Variants in EDA observed in about 807,000 individuals in gnomAD.
EDA encodes the protein ectodysplasin-A.
In EDA, 2 loss-of-function variants were observed where a neutral mutation model predicts 23.6. That is an observed-to-expected ratio of 0.08 (90% CI 0.03 to 0.27). EDA has a LOEUF of 0.27. Among genes scored for constraint, EDA ranks in the 10% least tolerant of loss-of-function variants. The pLI is 1.00. For synonymous variants in EDA, 131 were observed against 132.0 expected (o/e 0.99, Z 0.05); for missense variants, 229 against 324.2 (o/e 0.71, Z 2.26).
At position 69,999,619 on chromosome X, in the gene EDA, A is replaced by AG. The variant is rs1246148777; in HGVS notation, c.503-23598dup. Among the ~76,000 whole-genome samples, 6 of 53,270 alleles carry AG rather than the reference A, an allele frequency of 1.1e-4. No homozygotes were observed. The Admixed American group carries it at 1.2e-3, about 11-fold the overall frequency. 46.3% of individuals were successfully genotyped at this position (53,270 alleles called of 115,157 possible). A position where few individuals can be genotyped will look rare whatever the true frequency, so the allele number is the denominator to read the frequency against. On this transcript the variant is annotated intron_variant, in intron 2 of 7. Coordinates refer to ENST00000374552, the MANE Select transcript of EDA (RefSeq NM_001399.5). ...CTACAAGAGTGAGACTCTGTCTCAG[A>AG]GAAAAAAAAAAAAAAAGGAAAAAAA...
intron 1 of EDA, among the ~76,000 whole-genome samples, chrX:69,788,292 C>G (rs758937530): frequency 8.9e-6 from 1 of 112,801 alleles, no homozygotes; most frequent in East Asian, 2.8e-4. Context: ...TCTCTCAGCT[C>G]GTCAAAGTCC....
chrX:69,778,911 C>T (rs1255597411), intron 1 of EDA, among the ~76,000 whole-genome samples: 3 of 111,626 alleles, frequency 2.7e-5, no homozygotes, highest in African/African-American at 9.7e-5. Flanking sequence ...GGCTTTATGA[C>T]AGAATTCATA....
At chrX:69,922,341 A>G (rs1466233040) in intron 1 of EDA, among the ~76,000 whole-genome samples, 1 of 112,201 alleles carries the variant, frequency 8.9e-6, no homozygotes, top group Non-Finnish European at 1.9e-5. Flanking sequence ...TTGCTGGATC[A>G]TATGGTAAAA....
intron 1 of EDA, among the ~76,000 whole-genome samples, chrX:69,692,652 G>A (rs185459106): frequency 8.0e-5 from 9 of 112,048 alleles, no homozygotes; most frequent in African/African-American, 2.9e-4. Context: ...TTAACACAGT[G>A]CCCAGTTCAT....
chrX:69,648,116 T>C (rs1260993111), intron 1 of EDA, among the ~76,000 whole-genome samples: 1 of 111,576 alleles, frequency 9.0e-6, no homozygotes, highest in Admixed American at 9.5e-5. Flanking sequence ...AGCCCACATG[T>C]GCCTGTAGGA....
chrX:69,783,261 AT>A (rs369788825), intron 1 of EDA, among the ~76,000 whole-genome samples: 20 of 107,810 alleles, frequency 1.9e-4, no homozygotes, highest in East Asian at 8.7e-4. Context: ...GACAGAAGAG[AT>A]TTTTTTTTTG....
At position 69,757,063 on chromosome X, in the gene EDA, C is replaced by A. The variant is rs769548768; in HGVS notation, c.396+140359C>A. Among the ~76,000 whole-genome samples the A allele has an allele frequency of 9.0e-5, 10 of 111,502 alleles. No homozygotes were observed. In the East Asian group the frequency reaches 2.8e-3, roughly 31 times the overall value. On this transcript the variant is annotated intron_variant, in intron 1 of 7. Transcript: ENST00000374552. ...GCAATATACTAATTATAAAAAAATT[C>A]TACTCAAACCAAAGAAACAGGAAGG...
At chrX:69,639,353 A>G (rs144365727) in intron 1 of EDA, among the ~76,000 whole-genome samples, 1,717 of 111,860 alleles carry the variant, frequency 0.015, 30 homozygotes, top group African/African-American at 0.054. Flanking sequence ...ACTGTTTTCC[A>G]TAATTTTTGA....
rs2017161243 is a variant in EDA, at chrX:69,852,628, G to A, written c.397-104399G>A. Among the ~76,000 whole-genome samples, 4 of 111,314 alleles carry A rather than the reference G, an allele frequency of 3.6e-5. No homozygotes were observed. In the Admixed American group the frequency reaches 3.8e-4, roughly 11 times the overall value. On this transcript the variant is annotated intron_variant, in intron 1 of 7. Transcript: ENST00000374552. ...TAAAACTAGAGACCTGAGAAAGGTG[G>A]GAGGTCAGATTGGAGAGCCCCGAAT...
At chrX:70,015,068 A>G (rs984570526) in intron 2 of EDA, among the ~76,000 whole-genome samples, 1 of 110,568 alleles carries the variant, frequency 9.0e-6, no homozygotes, top group African/African-American at 3.3e-5. Context: ...AATGCAGAAA[A>G]CCCCTATGAG....
intron 1 of EDA, among the ~76,000 whole-genome samples, chrX:69,679,498 T>G (rs183537855): frequency 9.0e-6 from 1 of 111,562 alleles, no homozygotes; most frequent in African/African-American, 3.3e-5. Context: ...CAATTTCAGA[T>G]CCTGTTATTG....
intron 1 of EDA, among the ~76,000 whole-genome samples, chrX:69,898,493 A>G (rs779718356): frequency 1.8e-3 from 203 of 110,804 alleles, no homozygotes; most frequent in Non-Finnish European, 2.8e-3. Context: ...GAGACACGAG[A>G]ATCGCTTGAA....
chrX:69,761,330 C>G (rs1014846438), intron 1 of EDA, among the ~76,000 whole-genome samples: 12 of 110,868 alleles, frequency 1.1e-4, no homozygotes, highest in African/African-American at 3.6e-4. Context: ...TTCTTATAGT[C>G]ACATTTTAGA....
At chrX:69,828,436 G>T (rs939197812) in intron 1 of EDA, among the ~76,000 whole-genome samples, 1 of 112,186 alleles carries the variant, frequency 8.9e-6, no homozygotes, top group Non-Finnish European at 1.9e-5. Context: ...GAAAAGCGCA[G>T]TATTCGGGTG....
At chrX:69,762,078 A>G (rs2014324906) in intron 1 of EDA, among the ~76,000 whole-genome samples, 1 of 111,835 alleles carries the variant, frequency 8.9e-6, no homozygotes, top group South Asian at 3.7e-4. Context: ...TAAGTTACCT[A>G]GAAAAGTGAG....
chrX:69,899,852 C>G (rs2018073278), intron 1 of EDA, among the ~76,000 whole-genome samples: 1 of 111,252 alleles, frequency 9.0e-6, no homozygotes, highest in Non-Finnish European at 1.9e-5. Flanking sequence ...TTCTAAACTC[C>G]TAGCCTACTG....
rs779835448 is a variant in EDA at position 69,976,686 on chromosome X, G to T, written c.502+19554G>T. On this transcript the variant is annotated intron_variant, in intron 2 of 7. Transcript: ENST00000374552. ...TCTGATGGGAGTGTAATGATTTGGA[G>T]AAAACAAGGTGGATCTATTTCTCTA... 8.3e-5 allele frequency among the ~76,000 whole-genome samples: 9 copies of T among 109,006 alleles called. No individual in the cohort carries two copies. In the South Asian group the frequency reaches 2.9e-3, roughly 35 times the overall value. 94.7% of individuals were successfully genotyped at this position (109,006 alleles called of 115,157 possible).
chrX:69,910,372 AGAGTGTGTGTGT>A (rs1218837899), intron 1 of EDA, among the ~76,000 whole-genome samples: 22 of 51,454 alleles, frequency 4.3e-4, no homozygotes, highest in Non-Finnish European at 5.8e-4. Context: ...AGAGAGAGAG[AGAGTGTGTGTGT>A]GTGTGTGTGT....
At chrX:69,789,819 A>G (rs2015346841) in intron 1 of EDA, among the ~76,000 whole-genome samples, 1 of 112,247 alleles carries the variant, frequency 8.9e-6, no homozygotes, top group Admixed American at 9.4e-5. Context: ...TGATCTACTA[A>G]TATAGCTTAA....
Sources: gnomAD v4.1 joint callset for allele counts (sites outside exome capture counted in the v4.1 genomes callset) on GRCh38, gnomAD v4.1.1 for gene constraint, MANE v1.5 for transcripts, NCBI Gene and HGNC (gene_info 2026-07-23, HGNC 2026-07-21) for gene names.